Variants in RPH3A observed in about 807,000 individuals in gnomAD.
The protein encoded by RPH3A is rabphilin 3A, also known as rabphilin-3A.
In RPH3A, 48 loss-of-function variants were observed where a neutral mutation model predicts 102.2. The observed-to-expected ratio is 0.47, with a 90% confidence interval of 0.37 to 0.60. The LOEUF (loss-of-function observed/expected upper bound fraction) is 0.60, where lower values mean the gene tolerates loss of function less well. RPH3A is among the 20% of genes least tolerant of loss of function. The pLI, the probability that RPH3A is intolerant of heterozygous loss-of-function variation, is 0.00. For synonymous variants in RPH3A, 310 were observed against 324.3 expected, an observed-to-expected ratio of 0.96 and a Z score of 0.47; for missense variants, 781 against 910.1, an observed-to-expected ratio of 0.86 and a Z score of 1.83.
chr12:112,760,398 A>G (rs1361134782), intron 1 of RPH3A, among the ~76,000 whole-genome samples: 2 of 152,228 alleles, frequency 1.3e-5, no homozygotes, highest in Non-Finnish European at 2.9e-5. Context: ...TATGTAGTAA[A>G]CATTTAGCAA....
chr12:112,708,136 A>T (rs2040437198), intron 1 of RPH3A, among the ~76,000 whole-genome samples: 1 of 152,202 alleles, frequency 6.6e-6, no homozygotes, highest in Admixed American at 6.5e-5. Flanking sequence ...GGCTCCTAAC[A>T]TCTATAGGAA....
At chr12:112,894,413 G>T in intron 19 of RPH3A, 165 bp from the exon 20 acceptor site, 1 of 667,172 alleles carries the variant, frequency 1.5e-6, no homozygotes. Flanking sequence ...TCAGTCAAGT[G>T]CCTGGTACCA....
chr12:112,575,589 C>A (rs569074290), intron 1 of RPH3A, among the ~76,000 whole-genome samples: 1 of 152,148 alleles, frequency 6.6e-6, no homozygotes, highest in African/African-American at 2.4e-5. Context: ...GCTGCTCCTG[C>A]GAGTCTCCGA....
At chr12:112,840,705 A>C (rs1224891768) in intron 4 of RPH3A, among the ~76,000 whole-genome samples, 1 of 152,188 alleles carries the variant, frequency 6.6e-6, no homozygotes, top group Non-Finnish European at 1.5e-5. Context: ...ATCTTTTCCC[A>C]GTAAAGGCGT....
chr12:112,690,056 A>G (rs890173630), intron 1 of RPH3A, among the ~76,000 whole-genome samples: 2 of 152,350 alleles, frequency 1.3e-5, no homozygotes, highest in Middle Eastern at 6.8e-3. Context: ...TGTAAGAAGT[A>G]CTAACAACAC....
chr12:112,727,684 G>T (rs2040604542), intron 1 of RPH3A, among the ~76,000 whole-genome samples: 1 of 151,894 alleles, frequency 6.6e-6, no homozygotes, highest in East Asian at 1.9e-4. Context: ...TGGAGTCAAA[G>T]AATAAAATCA....
intron 2 of RPH3A, among the ~76,000 whole-genome samples, chr12:112,816,153 C>T (rs1490679386): frequency 6.6e-6 from 1 of 152,170 alleles, no homozygotes; most frequent in Non-Finnish European, 1.5e-5. Flanking sequence ...TCTGTGGGCT[C>T]ATTTCAAATG....
chr12:112,659,660 T>C (rs1287130562), intron 1 of RPH3A, among the ~76,000 whole-genome samples: 1 of 152,228 alleles, frequency 6.6e-6, no homozygotes, highest in Non-Finnish European at 1.5e-5. Flanking sequence ...TTTGAGGCTA[T>C]GTAAAAATCC....
Position 112,713,886 on chromosome 12 carries a change from G to A in RPH3A, c.-139-78257G>A, listed in dbSNP as rs949225167. ...AGAAATGAGAGAATTGAATTCATGA[G>A]ACCAGGCAGCTGGCTTCAGTGGCTG... On this transcript the variant is annotated intron_variant, in intron 1 of 21. Coordinates refer to the RPH3A transcript ENST00000543106. 8.5e-5 allele frequency among the ~76,000 whole-genome samples: 13 copies of A among 152,312 alleles called. No individual in the cohort carries two copies. In the South Asian group the frequency reaches 2.1e-3, roughly 24 times the overall value.
At position 112,648,591 on chromosome 12, in the gene RPH3A, A is replaced by AAAAAAAAAAAAAAAAG. The variant is rs1566241874; in HGVS notation, c.-140+73279_-140+73280insAAAAAAAAGAAAAAAA. On this transcript the variant is annotated intron_variant, in intron 1 of 21. Transcript: ENST00000543106. ...TCTACAAAAAAAAAAAAAAAAAAAA[A>AAAAAAAAAAAAAAAAG]AAAAAAAGCTAGGTGTTGTGGCACA... is the stretch of plus-strand genomic sequence containing the variant. Among the ~76,000 whole-genome samples the AAAAAAAAAAAAAAAAG allele has an allele frequency of 2.2e-5, 3 of 134,066 alleles. 1 individual carries two copies. Among genetic ancestry groups the AAAAAAAAAAAAAAAAG allele is most frequent in the Non-Finnish European group, 4.8e-5 (3 of 63,064 alleles). The allele number at this position is 134,066 out of a possible 152,430, so 88.0% of individuals were successfully genotyped here.
In RPH3A at chr12:112,725,250, G is replaced by GAA. The variant is rs35952537; in HGVS notation, c.-139-66865_-139-66864dup. Among the ~76,000 whole-genome samples the GAA allele has an allele frequency of 1.6e-3, 103 of 63,064 alleles. 9 individuals carry two copies. The highest frequency in any genetic ancestry group is 8.1e-3 in the South Asian group (13 of 1,610). The allele number at this position is 63,064 out of a possible 152,430, so 41.4% of individuals were successfully genotyped here. A position where few individuals can be genotyped will look rare whatever the true frequency, so the allele number is the denominator to read the frequency against. Reference sequence around the variant, plus strand: ...GGTGACAGAGCAAGACTTTGTCTCAGAAAAAAAAAAAAAAAAAAAAAAAAA... The same window carrying GAA: ...GGTGACAGAGCAAGACTTTGTCTCAGAAAAAAAAAAAAAAAAAAAAAAAAAAA... On this transcript the variant is annotated intron_variant, in intron 1 of 21. Coordinates refer to the RPH3A transcript ENST00000543106.
intron 5 of RPH3A, among the ~76,000 whole-genome samples, chr12:112,858,266 C>CAAAAAAA (rs1164602599): frequency 2.7e-4 from 12 of 44,756 alleles, no homozygotes; most frequent in Admixed American, 8.4e-4. Context: ...GACCCTGTCT[C>CAAAAAAA]AAAAAAAAAA....
intron 1 of RPH3A, among the ~76,000 whole-genome samples, chr12:112,656,533 T>C (rs1458002853): frequency 6.6e-6 from 1 of 152,160 alleles, no homozygotes; most frequent in Admixed American, 6.6e-5. Context: ...TAGTGAACAT[T>C]GTACCCAACA....
At chr12:112,785,350 T>C (rs557960475) in intron 1 of RPH3A, among the ~76,000 whole-genome samples, 2 of 152,118 alleles carry the variant, frequency 1.3e-5, no homozygotes, top group Admixed American at 6.5e-5. Context: ...CAGATAATGC[T>C]ATGGAGGTGA....
At chr12:112,838,989 G>A (rs1351418366) in intron 4 of RPH3A, among the ~76,000 whole-genome samples, 1 of 152,114 alleles carries the variant, frequency 6.6e-6, no homozygotes, top group Non-Finnish European at 1.5e-5. Context: ...GAAGGCCGGG[G>A]CCGGTTTCTC....
At chr12:112,670,341 C>T (rs1226648556) in intron 1 of RPH3A, among the ~76,000 whole-genome samples, 2 of 152,116 alleles carry the variant, frequency 1.3e-5, no homozygotes, top group African/African-American at 4.8e-5. Flanking sequence ...CACCACCATG[C>T]TCAGCTAATT....
intron 1 of RPH3A, among the ~76,000 whole-genome samples, chr12:112,576,455 G>A (rs2039359554): frequency 6.6e-6 from 1 of 152,214 alleles, no homozygotes; most frequent in Non-Finnish European, 1.5e-5. Flanking sequence ...CTGACCTCAG[G>A]TGATCCACCC....
intron 1 of RPH3A, among the ~76,000 whole-genome samples, chr12:112,601,455 A>G (rs986620723): frequency 6.6e-6 from 1 of 152,210 alleles, no homozygotes; most frequent in African/African-American, 2.4e-5. Flanking sequence ...TGTACATTAT[A>G]TTCATGCCAC....
intron 1 of RPH3A, among the ~76,000 whole-genome samples, chr12:112,585,591 C>T (rs546664041): frequency 6.6e-6 from 1 of 152,210 alleles, no homozygotes; most frequent in African/African-American, 2.4e-5. Context: ...AAAAATTTGC[C>T]AGGCGTGGTG....
Sources: gnomAD v4.1 joint callset for allele counts (sites outside exome capture counted in the v4.1 genomes callset) on GRCh38, gnomAD v4.1.1 for gene constraint, MANE v1.5 for transcripts, NCBI Gene and HGNC (gene_info 2026-07-23, HGNC 2026-07-21) for gene names.